ARHGEF3: variants seen among roughly 807,000 people sequenced by gnomAD.
ARHGEF3 encodes the protein 59.8 kDA protein.
Under a neutral mutation model 63.2 loss-of-function variants are expected in ARHGEF3, and 28 were observed. The ratio of observed to expected loss-of-function variants is 0.44; its 90% CI spans 0.33 to 0.61. ARHGEF3 has a LOEUF of 0.61. ARHGEF3 is among the 20% of genes least tolerant of loss of function. The pLI is 0.03. For synonymous variants in ARHGEF3, 266 were observed against 254.2 expected (o/e 1.05, Z -0.44); for missense variants, 533 against 659.3 (o/e 0.81, Z 2.10).
At chr3:56,820,307 A>T (rs2038432599) in intron 4 of ARHGEF3, among the ~76,000 whole-genome samples, 1 of 152,194 alleles carries the variant, frequency 6.6e-6, no homozygotes, top group Non-Finnish European at 1.5e-5. Context: ...TGCTAAAATT[A>T]AGGAAGATGC....
At chr3:56,758,494 A>G (rs1042612383) in intron 2 of ARHGEF3, among the ~76,000 whole-genome samples, 14 of 152,122 alleles carry the variant, frequency 9.2e-5, no homozygotes, top group African/African-American at 3.4e-4. Flanking sequence ...AGAAACTTCC[A>G]AAGAGCTTCA....
chr3:56,884,113 T>C (rs1167028084), intron 3 of ARHGEF3, among the ~76,000 whole-genome samples: 2 of 152,218 alleles, frequency 1.3e-5, no homozygotes, highest in Non-Finnish European at 2.9e-5. Flanking sequence ...CCAAACATCC[T>C]AGAGAAAGTC....
At position 56,729,197 on chromosome 3, in the gene ARHGEF3, C is replaced by G. The variant is rs1008055566; in HGVS notation, c.*73G>C. 1.1e-4 allele frequency: 144 copies of G among 1,370,588 alleles called. No individual in the cohort carries two copies. Among genetic ancestry groups the G allele is most frequent in the Non-Finnish European group, 1.3e-4 (135 of 1,003,958 alleles). 84.9% of individuals were successfully genotyped at this position (1,370,588 alleles called of 1,614,324 possible). A position where few individuals can be genotyped will look rare whatever the true frequency, so the allele number is the denominator to read the frequency against. Reference sequence around the variant, plus strand: ...AAGTATGAAAAAGTGCTTCTCCAAACCGTTCCATCTGTGGAATGCAAATAC... The same window carrying G: ...AAGTATGAAAAAGTGCTTCTCCAAAGCGTTCCATCTGTGGAATGCAAATAC... On this transcript the variant is annotated 3_prime_UTR_variant, in exon 10 of 10. Transcript: ENST00000296315.
At chr3:56,955,181 CTTTT>C (rs56851084) in intron 3 of ARHGEF3, among the ~76,000 whole-genome samples, 4 of 143,214 alleles carry the variant, frequency 2.8e-5, no homozygotes, top group South Asian at 2.2e-4. Context: ...GATCCTTTTT[CTTTT>C]TTTTTTTTTT....
intron 4 of ARHGEF3, among the ~76,000 whole-genome samples, chr3:56,874,996 G>C (rs972881901): frequency 6.6e-6 from 1 of 152,122 alleles, no homozygotes; most frequent in East Asian, 1.9e-4. Flanking sequence ...GCCTGCTATA[G>C]TATGCTATTT....
At chr3:56,826,997 A>G (rs1451979092) in intron 4 of ARHGEF3, among the ~76,000 whole-genome samples, 1 of 152,210 alleles carries the variant, frequency 6.6e-6, no homozygotes, top group African/African-American at 2.4e-5. Context: ...ATGTAAATGT[A>G]AATATGAAAA....
intron 7 of ARHGEF3, 120 bp from the exon 8 acceptor site, chr3:56,737,475 G>A: frequency 1.5e-6 from 1 of 658,884 alleles, no homozygotes; most frequent in Admixed American, 3.4e-5. Context: ...TGTTATCTAA[G>A]TTGCTACTTT....
intron 3 of ARHGEF3, among the ~76,000 whole-genome samples, chr3:56,909,335 T>A (rs757736892): frequency 6.6e-6 from 1 of 152,190 alleles, no homozygotes; most frequent in Non-Finnish European, 1.5e-5. Flanking sequence ...CTTGAAGAGT[T>A]TGTGCCCAAA....
chr3:56,790,000 C>T (rs1212070616), intron 1 of ARHGEF3, among the ~76,000 whole-genome samples: 1 of 152,058 alleles, frequency 6.6e-6, no homozygotes. Flanking sequence ...TTTGAGCTGC[C>T]CAAGTGGTAT....
intron 4 of ARHGEF3, among the ~76,000 whole-genome samples, chr3:56,827,075 C>T (rs998119376): frequency 6.6e-6 from 1 of 151,828 alleles, no homozygotes; most frequent in African/African-American, 2.4e-5. Flanking sequence ...ACTCAAAGTC[C>T]GGAAGCCAGA....
chr3:56,949,368 T>C (rs1277466969), intron 3 of ARHGEF3, among the ~76,000 whole-genome samples: 1 of 151,960 alleles, frequency 6.6e-6, no homozygotes, highest in Non-Finnish European at 1.5e-5. Flanking sequence ...CATGATTGTA[T>C]ATCTAGAAAA....
intron 2 of ARHGEF3, among the ~76,000 whole-genome samples, chr3:56,961,873 T>A (rs1347871568): frequency 6.6e-6 from 1 of 152,028 alleles, no homozygotes; most frequent in Non-Finnish European, 1.5e-5. Context: ...GGAAACACCA[T>A]CTCCGCTAAA....
At chr3:57,064,865 A>G (rs909288727) in intron 1 of ARHGEF3, among the ~76,000 whole-genome samples, 4 of 152,240 alleles carry the variant, frequency 2.6e-5, no homozygotes, top group Non-Finnish European at 5.9e-5. Flanking sequence ...TGGTTGCACA[A>G]TAATATCAGT....
intron 3 of ARHGEF3, among the ~76,000 whole-genome samples, chr3:56,914,800 TC>T (rs956488338): frequency 5.3e-5 from 8 of 152,064 alleles, no homozygotes; most frequent in African/African-American, 1.9e-4. Flanking sequence ...GTAATCAAAA[TC>T]ACAGAGACAG....
At chr3:56,821,879 G>A (rs1418019022) in intron 4 of ARHGEF3, among the ~76,000 whole-genome samples, 1 of 151,842 alleles carries the variant, frequency 6.6e-6, no homozygotes, top group East Asian at 1.9e-4. Context: ...CAGGAGAATC[G>A]CTGGAACCGG....
At chr3:56,827,877 C>G (rs2038787668) in intron 4 of ARHGEF3, among the ~76,000 whole-genome samples, 1 of 121,994 alleles carries the variant, frequency 8.2e-6, no homozygotes, top group Non-Finnish European at 1.6e-5. Flanking sequence ...CTGGGGAGGT[C>G]AAGGCTGCAC....
At chr3:56,879,651 T>TC (rs2040703137) in intron 4 of ARHGEF3, among the ~76,000 whole-genome samples, 4 of 151,540 alleles carry the variant, frequency 2.6e-5, no homozygotes, top group Admixed American at 2.0e-4. Flanking sequence ...GACCCACCTT[T>TC]TTTTTTTTTT....
At chr3:56,940,496 G>A (rs1699125401) in intron 3 of ARHGEF3, 1 of 152,132 alleles carries the variant, frequency 6.6e-6, no homozygotes, top group South Asian at 2.1e-4. Flanking sequence ...AAAAGAAACG[G>A]CTTTGAATCT....
chr3:57,068,303 A>T (rs1024179582), intron 1 of ARHGEF3, among the ~76,000 whole-genome samples: 1 of 152,136 alleles, frequency 6.6e-6, no homozygotes, highest in African/African-American at 2.4e-5. Flanking sequence ...TAGCATCATC[A>T]TTCTTATCTC....
Sources: allele counts gnomAD v4.1 joint callset (sites outside exome capture counted in the v4.1 genomes callset), GRCh38; gene constraint gnomAD v4.1.1; transcripts MANE v1.5; gene names NCBI Gene and HGNC (gene_info 2026-07-23, HGNC 2026-07-21).